The following GRIA1 variants were observed in gnomAD, a reference collection of about 807,000 sequenced individuals.
GRIA1 encodes glutamate receptor 1.
A neutral mutation model predicts 99.2 loss-of-function variants in GRIA1; 31 were observed. That is an observed-to-expected ratio of 0.31 (90% CI 0.23 to 0.42). GRIA1 has a LOEUF of 0.42. GRIA1 is among the 10% of genes least tolerant of loss of function. The probability of loss-of-function intolerance (pLI) is 1.00; values close to 1 mark genes in which losing one functional copy is unlikely to be tolerated. For synonymous variants in GRIA1, 438 were observed against 432.4 expected (o/e 1.01, Z -0.16); for missense variants, 782 against 1,157.5 (o/e 0.68, Z 4.71).
At chr5:153,614,034 T>G (rs1488791806) in intron 2 of GRIA1, among the ~76,000 whole-genome samples, 1 of 152,184 alleles carries the variant, frequency 6.6e-6, no homozygotes, top group Non-Finnish European at 1.5e-5. Context: ...CACCTGCTTC[T>G]CTCGCTGCTC....
At chr5:153,782,447 T>C (rs1169292554) in intron 13 of GRIA1, among the ~76,000 whole-genome samples, 1 of 152,214 alleles carries the variant, frequency 6.6e-6, no homozygotes, top group Non-Finnish European at 1.5e-5. Context: ...AATGTTGACA[T>C]GTAGGAATGT....
intron 2 of GRIA1, among the ~76,000 whole-genome samples, chr5:153,519,218 C>T (rs192883029): frequency 8.8e-4 from 134 of 151,986 alleles, no homozygotes; most frequent in Middle Eastern, 6.8e-3. Context: ...GCCAAGATCA[C>T]GCCACTGCAC....
At chr5:153,688,285 T>C (rs111298224) in intron 8 of GRIA1, among the ~76,000 whole-genome samples, 16 of 152,200 alleles carry the variant, frequency 1.1e-4, no homozygotes, top group African/African-American at 3.9e-4. Context: ...ATCCACTTCT[T>C]CAGCAAACTT....
chr5:153,773,582 A>G (rs1198864360), intron 13 of GRIA1, among the ~76,000 whole-genome samples: 2 of 152,236 alleles, frequency 1.3e-5, no homozygotes, highest in Non-Finnish European at 2.9e-5. Context: ...CACTTTCTAG[A>G]ACAAACAATG....
intron 5 of GRIA1, among the ~76,000 whole-genome samples, chr5:153,659,128 T>C (rs1280106086): frequency 6.6e-6 from 1 of 152,204 alleles, no homozygotes; most frequent in Non-Finnish European, 1.5e-5. Context: ...ACTCATAGTG[T>C]CACTGGGGAG....
At chr5:153,690,454 T>C (rs1217228285) in intron 8 of GRIA1, among the ~76,000 whole-genome samples, 1 of 152,108 alleles carries the variant, frequency 6.6e-6, no homozygotes, top group African/African-American at 2.4e-5. Flanking sequence ...AGGGTGGTAA[T>C]ACTCTTTGCC....
intron 5 of GRIA1, among the ~76,000 whole-genome samples, chr5:153,669,202 C>T (rs150775028): frequency 6.6e-6 from 1 of 152,252 alleles, no homozygotes; most frequent in East Asian, 1.9e-4. Flanking sequence ...TAACAGAATG[C>T]CTGACTCAGG....
chr5:153,563,284 C>A (rs929349916), intron 2 of GRIA1, among the ~76,000 whole-genome samples: 1 of 152,096 alleles, frequency 6.6e-6, no homozygotes, highest in African/African-American at 2.4e-5. Context: ...GGTTTTGTGC[C>A]CTCTGAGAGT....
At chr5:153,528,379 G>C (rs1244253072) in intron 2 of GRIA1, among the ~76,000 whole-genome samples, 1 of 152,168 alleles carries the variant, frequency 6.6e-6, no homozygotes, top group Non-Finnish European at 1.5e-5. Context: ...CTCTGCCTCT[G>C]AACATCTGCA....
At chr5:153,700,267 C>A (rs887684364) in intron 10 of GRIA1, among the ~76,000 whole-genome samples, 2 of 152,162 alleles carry the variant, frequency 1.3e-5, no homozygotes, top group African/African-American at 4.8e-5. Flanking sequence ...CACCTGTAAT[C>A]CCAGCTCCTT....
chr5:153,680,772 T>C (rs1053345734), intron 7 of GRIA1, among the ~76,000 whole-genome samples: 6 of 152,200 alleles, frequency 3.9e-5, no homozygotes, highest in African/African-American at 1.4e-4. Flanking sequence ...GGTGGGCTTA[T>C]GGTGCTGTGG....
rs374395121 is a variant in GRIA1 at position 153,546,950 on chromosome 5, A to G, written c.220+52885A>G. Among the ~76,000 whole-genome samples, 42 of 152,296 alleles carry G rather than the reference A, an allele frequency of 2.8e-4. No individual in the cohort carries two copies. In the East Asian group the frequency reaches 3.1e-3, roughly 11 times the overall value. On this transcript the variant is annotated intron_variant, in intron 2 of 15. Coordinates refer to ENST00000285900, the MANE Select transcript of GRIA1 (RefSeq NM_000827.4). ...TTCTCTGTTTTTTAATTTTTTCACC[A>G]TGTTATCCCTAGCACTTAGTTGTGT...
intron 2 of GRIA1, among the ~76,000 whole-genome samples, chr5:153,616,503 T>A (rs1187497296): frequency 6.6e-6 from 1 of 152,052 alleles, no homozygotes; most frequent in Non-Finnish European, 1.5e-5. Flanking sequence ...AATCTCATAA[T>A]GTTTTAAGAA....
chr5:153,787,946 G>A (rs886881595), intron 13 of GRIA1, among the ~76,000 whole-genome samples: 15 of 152,088 alleles, frequency 9.9e-5, no homozygotes, highest in Non-Finnish European at 1.8e-4. Context: ...CAGGCGTGGT[G>A]GCAGGCGCCT....
chr5:153,795,436 A>C (rs2149661774), intron 14 of GRIA1: 1 of 1,047,014 alleles, frequency 9.6e-7, no homozygotes, highest in East Asian at 2.5e-5. Context: ...ATAAAATAAC[A>C]TTGGTAATGT....
intron 15 of GRIA1, among the ~76,000 whole-genome samples, chr5:153,804,246 T>C (rs1467344373): frequency 2.0e-5 from 3 of 152,168 alleles, no homozygotes; most frequent in Non-Finnish European, 4.4e-5. Context: ...TCCAGGTCCC[T>C]CTCATGTCCT....
intron 10 of GRIA1, among the ~76,000 whole-genome samples, chr5:153,703,729 C>A (rs756112574): frequency 1.3e-5 from 2 of 152,126 alleles, no homozygotes; most frequent in Non-Finnish European, 2.9e-5. Context: ...CAGGGCAAGA[C>A]CCTGTCTCAA....
chr5:153,768,837 C>T (rs546459551), intron 12 of GRIA1, among the ~76,000 whole-genome samples: 1 of 152,204 alleles, frequency 6.6e-6, no homozygotes, highest in Non-Finnish European at 1.5e-5. Flanking sequence ...AAAAGTAGTC[C>T]GTTACATGTA....
chr5:153,802,815 TC>T (rs1437928215), intron 15 of GRIA1, among the ~76,000 whole-genome samples: 1 of 152,172 alleles, frequency 6.6e-6, no homozygotes, highest in East Asian at 1.9e-4. Context: ...GCTCATTCTC[TC>T]TGAAGTTTCA....
Sources: gnomAD v4.1 joint callset for allele counts (sites outside exome capture counted in the v4.1 genomes callset) on GRCh38, gnomAD v4.1.1 for gene constraint, MANE v1.5 for transcripts, NCBI Gene and HGNC (gene_info 2026-07-23, HGNC 2026-07-21) for gene names.